ARID1A: variants seen among roughly 807,000 people sequenced by gnomAD.
The protein encoded by ARID1A is AT-rich interactive domain-containing protein 1A.
ARID1A carries 20 observed loss-of-function variants against 212.6 expected under a neutral mutation model. The observed-to-expected ratio is 0.09, with a 90% CI of 0.07 to 0.14. The LOEUF is 0.14. Among genes scored for constraint, ARID1A ranks in the 10% least tolerant of loss-of-function variants. ARID1A has a pLI of 1.00. For missense variants in ARID1A, 2,587 were observed against 3,059.0 expected (o/e 0.85, Z 3.64); for synonymous variants, 1,376 against 1,222.1 (o/e 1.13, Z -2.63).
intron 4 of ARID1A, among the ~76,000 whole-genome samples, chr1:26,737,144 G>C (rs911028109): frequency 6.6e-6 from 1 of 151,806 alleles, no homozygotes; most frequent in African/African-American, 2.4e-5. Context: ...TGAGATGGGG[G>C]TCTCTCTGTC....
Position 26,779,913 on chromosome 1 carries a change from A to G in ARID1A, c.6015A>G (p.Pro2005=), listed in dbSNP as rs2124145034. Residue 2005 remains proline, a synonymous_variant, in exon 20 of 20, where the codon CCA becomes CCG. Coordinates refer to ENST00000324856, the MANE Select transcript of ARID1A (RefSeq NM_006015.6). ...PGNDFEMSKH[P]GLLLILGKLI... is the part of the protein sequence containing the mutation. The stretch of plus-strand genomic sequence containing the variant: ...ATGACTTTGAGATGTCCAAACACCC[A>G]GGGCTGCTGCTCATCCTGGGCAAGC... The G allele has an allele frequency of 6.2e-7, 1 of 1,614,142 alleles. No homozygotes were observed. Among genetic ancestry groups the G allele is most frequent in the Non-Finnish European group, 8.5e-7 (1 of 1,180,006 alleles).
intron 2 of ARID1A, among the ~76,000 whole-genome samples, chr1:26,730,708 C>T (rs1384503357): frequency 6.6e-6 from 1 of 151,946 alleles, no homozygotes; most frequent in African/African-American, 2.4e-5. Flanking sequence ...AAAGAGAGAA[C>T]CAAAGTAGCT....
intron 4 of ARID1A, among the ~76,000 whole-genome samples, chr1:26,748,831 C>G (rs1396146489): frequency 1.3e-5 from 2 of 151,894 alleles, no homozygotes; most frequent in African/African-American, 2.4e-5. Context: ...TATGGGAGTT[C>G]CAGAATCATC....
At chr1:26,765,946 G>A (rs1483188787) in intron 8 of ARID1A, 3 of 364,614 alleles carry the variant, frequency 8.2e-6, no homozygotes, top group African/African-American at 6.2e-5. Flanking sequence ...GGAGGCTGAG[G>A]AAGGCAGATT....
At position 26,732,840 on chromosome 1, in the gene ARID1A, C is replaced by T. The variant is rs112713422; in HGVS notation, c.1920+48C>T. 3.0e-5 allele frequency: 44 copies of T among 1,459,582 alleles called. 3 individuals are homozygous for T. Among genetic ancestry groups the T allele is most frequent in the African/African-American group, 2.4e-4 (17 of 71,434 alleles). 90.4% of individuals were successfully genotyped at this position (1,459,582 alleles called of 1,614,324 possible). A position where few individuals can be genotyped will look rare whatever the true frequency, so the allele number is the denominator to read the frequency against. ...AAAGGTGATAGGGGCAGAGAGGAAA[C>T]CAATGCAAACTAGTTAGTTTCTGGT... On this transcript the variant is annotated intron_variant, in intron 4 of 19. Coordinates refer to ENST00000324856, the MANE Select transcript of ARID1A (RefSeq NM_006015.6).
intron 4 of ARID1A, among the ~76,000 whole-genome samples, chr1:26,744,205 C>G (rs935429126): frequency 1.3e-5 from 2 of 152,248 alleles, no homozygotes; most frequent in Non-Finnish European, 2.9e-5. Flanking sequence ...CTTAGTCACA[C>G]TGTTCCAACC....
chr1:26,751,620 TGA>T (rs1045211578), intron 4 of ARID1A, among the ~76,000 whole-genome samples: 10 of 152,292 alleles, frequency 6.6e-5, no homozygotes, highest in African/African-American at 2.4e-4. Context: ...GAAAATTAAA[TGA>T]GAGTCAACCA....
intron 12 of ARID1A, 104 bp from the exon 13 acceptor site, chr1:26,772,396 T>C: frequency 2.6e-6 from 4 of 1,547,556 alleles, no homozygotes; most frequent in Non-Finnish European, 3.5e-6. Context: ...TTAAAGGCCT[T>C]AGGAAGAACT....
At chr1:26,749,321 C>T (rs1018654358) in intron 4 of ARID1A, among the ~76,000 whole-genome samples, 6 of 152,002 alleles carry the variant, frequency 3.9e-5, no homozygotes, top group Non-Finnish European at 7.4e-5. Flanking sequence ...GTGAGGAGCA[C>T]CTTCTCATCT....
At chr1:26,766,164 A>C (rs1360564912) in intron 8 of ARID1A, 57 bp from the exon 9 acceptor site, 1 of 1,569,626 alleles carries the variant, frequency 6.4e-7, no homozygotes, top group African/African-American at 1.4e-5. Flanking sequence ...CTCCAGTTCA[A>C]ATCTAAAAGC....
intron 1 of ARID1A, among the ~76,000 whole-genome samples, chr1:26,704,580 G>A (rs996093414): frequency 3.9e-5 from 6 of 152,080 alleles, no homozygotes; most frequent in Admixed American, 2.0e-4. Flanking sequence ...GTTTTTGGCC[G>A]GGCGCGGTAG....
intron 14 of ARID1A, 135 bp downstream of exon 14, chr1:26,773,122 C>A: frequency 3.1e-6 from 4 of 1,301,484 alleles, no homozygotes; most frequent in Non-Finnish European, 4.2e-6. Context: ...CTAACTACCC[C>A]TCTTCATCCT....
intron 4 of ARID1A, among the ~76,000 whole-genome samples, chr1:26,754,342 T>C (rs1198225028): frequency 6.6e-6 from 1 of 152,230 alleles, no homozygotes; most frequent in Non-Finnish European, 1.5e-5. Flanking sequence ...ACTTCTGCCC[T>C]TACCACTCCC....
chr1:26,701,223 T>G (rs960263524), intron 1 of ARID1A, among the ~76,000 whole-genome samples: 1 of 152,228 alleles, frequency 6.6e-6, no homozygotes, highest in African/African-American at 2.4e-5. Flanking sequence ...ATTGATTGGC[T>G]TCAACTCTCA....
At chr1:26,750,968 A>AG (rs1008228662) in intron 4 of ARID1A, among the ~76,000 whole-genome samples, 2 of 152,128 alleles carry the variant, frequency 1.3e-5, no homozygotes, top group South Asian at 4.1e-4. Context: ...ATTAGGAAAG[A>AG]GGGGGGCCGG....
intron 1 of ARID1A, among the ~76,000 whole-genome samples, chr1:26,726,450 C>T (rs756918024): frequency 2.0e-5 from 3 of 152,186 alleles, no homozygotes; most frequent in Non-Finnish European, 4.4e-5. Context: ...GCTGGGATTA[C>T]AGGCGTGAGA....
chr1:26,726,947 G>A (rs1334644892), intron 1 of ARID1A, among the ~76,000 whole-genome samples: 26 of 152,220 alleles, frequency 1.7e-4, no homozygotes, highest in Admixed American at 1.7e-3. Context: ...TCTGTTACTA[G>A]AAGCCACTGT....
At chr1:26,732,823 T>C (rs369283652) in intron 4 of ARID1A, 31 bp downstream of exon 4, 2 of 1,566,384 alleles carry the variant, frequency 1.3e-6, no homozygotes, top group African/African-American at 1.4e-5. Flanking sequence ...TGAAAGGTGA[T>C]AGGGGCAGAG....
chr1:26,738,593 C>G (rs900886554), intron 4 of ARID1A, among the ~76,000 whole-genome samples: 2 of 152,142 alleles, frequency 1.3e-5, no homozygotes, highest in Non-Finnish European at 2.9e-5. Context: ...GAGTCTTGCT[C>G]TGTCACCCAG....
Sources: allele counts gnomAD v4.1 joint callset (sites outside exome capture counted in the v4.1 genomes callset), GRCh38; gene constraint gnomAD v4.1.1; transcripts MANE v1.5; gene names NCBI Gene and HGNC (gene_info 2026-07-23, HGNC 2026-07-21).